The following B3GALT1 variants were observed in gnomAD, a reference collection of about 807,000 sequenced individuals.
B3GALT1 encodes UDP-Gal:betaGlcNAc beta 1,3-galactosyltransferase, polypeptide 1.
Under a neutral mutation model 23.2 loss-of-function variants are expected in B3GALT1, and 10 were observed. The observed-to-expected ratio is 0.43, with a 90% CI of 0.27 to 0.73. The LOEUF is 0.73. Ranked by LOEUF, B3GALT1 falls within the 30% of genes least tolerant of loss-of-function variation. The pLI is 0.21. For missense variants in B3GALT1, 299 were observed against 405.4 expected, an observed-to-expected ratio of 0.74 and a Z score of 2.25; for synonymous variants, 156 against 141.5, an observed-to-expected ratio of 1.10 and a Z score of -0.73.
Position 167,427,916 on chromosome 2 carries a change from A to T in B3GALT1, c.-510-62261A>T, listed in dbSNP as rs543103535. Among the ~76,000 whole-genome samples, 73 of 152,286 alleles carry T rather than the reference A, an allele frequency of 4.8e-4. No homozygotes were observed. In the South Asian group the frequency reaches 0.015, roughly 31 times the overall value. Reference sequence around the variant, plus strand: ...CAAAACCCTCTAAGTTATTTTAAAGATACAGATATTTGGAAAACAAAAGCA... The same window carrying T: ...CAAAACCCTCTAAGTTATTTTAAAGTTACAGATATTTGGAAAACAAAAGCA... On this transcript the variant is annotated intron_variant, in intron 1 of 4. Coordinates refer to ENST00000392690, the MANE Select transcript of B3GALT1 (RefSeq NM_020981.4).
At chr2:167,850,260 G>A (rs1016048830) in intron 4 of B3GALT1, among the ~76,000 whole-genome samples, 8 of 152,108 alleles carry the variant, frequency 5.3e-5, no homozygotes, top group Non-Finnish European at 1.0e-4. Context: ...TCTCAAAAGA[G>A]GATATCCAAA....
intron 3 of B3GALT1, among the ~76,000 whole-genome samples, chr2:167,737,871 A>T (rs1410006802): frequency 6.6e-6 from 1 of 152,240 alleles, no homozygotes. Context: ...AGTTTCTAGC[A>T]TAGGCCAGAA....
chr2:167,761,386 G>A (rs1687897496), intron 3 of B3GALT1, among the ~76,000 whole-genome samples: 1 of 152,166 alleles, frequency 6.6e-6, no homozygotes, highest in South Asian at 2.1e-4. Context: ...TAAAATTACA[G>A]GTTGGGCACG....
chr2:167,436,023 C>T (rs1211490535), intron 1 of B3GALT1, among the ~76,000 whole-genome samples: 3 of 151,542 alleles, frequency 2.0e-5, no homozygotes, highest in African/African-American at 4.8e-5. Context: ...CTATTATATC[C>T]CTTCTTGCCT....
At chr2:167,826,606 C>T (rs774287144) in intron 4 of B3GALT1, among the ~76,000 whole-genome samples, 5 of 152,030 alleles carry the variant, frequency 3.3e-5, no homozygotes, top group Non-Finnish European at 7.4e-5. Context: ...GAATAAGGCT[C>T]AAAGAAGGAA....
At chr2:167,841,418 T>C (rs1689647566) in intron 4 of B3GALT1, among the ~76,000 whole-genome samples, 1 of 152,166 alleles carries the variant, frequency 6.6e-6, no homozygotes, top group South Asian at 2.1e-4. Flanking sequence ...AAATTTGGGT[T>C]GGTGCCTTTC....
Position 167,872,582 on chromosome 2 carries a change from C to T in B3GALT1, c.*2562C>T, listed in dbSNP as rs1454765193. On this transcript the variant is annotated 3_prime_UTR_variant, in exon 5 of 5. Transcript: ENST00000392690. ...ATCAAGCCTCTGTCTCATACTATTG[C>T]CTTGCATCTACCCCATGCTCAGTCA... is the stretch of plus-strand genomic sequence containing the variant. The T allele has an allele frequency of 6.6e-6, 1 of 152,162 alleles. No homozygotes were observed. Among genetic ancestry groups the T allele is most frequent in the Non-Finnish European group, 1.5e-5 (1 of 68,034 alleles). The allele number at this position is 152,162 out of a possible 1,614,324, so 9.4% of individuals were successfully genotyped here.
At chr2:167,464,529 G>A (rs1000417348) in intron 1 of B3GALT1, among the ~76,000 whole-genome samples, 1 of 152,146 alleles carries the variant, frequency 6.6e-6, no homozygotes, top group Admixed American at 6.5e-5. Context: ...TCAGTCGTCT[G>A]TTTAGTAGAA....
At chr2:167,825,324 T>G (rs1423948829) in intron 4 of B3GALT1, among the ~76,000 whole-genome samples, 1 of 145,406 alleles carries the variant, frequency 6.9e-6, no homozygotes, top group Non-Finnish European at 1.5e-5. Context: ...CAAGCAAAAC[T>G]TAGAGTGAGA....
intron 1 of B3GALT1, among the ~76,000 whole-genome samples, chr2:167,353,906 A>T (rs748187564): frequency 6.6e-6 from 1 of 152,030 alleles, no homozygotes; most frequent in East Asian, 1.9e-4. Context: ...TTCTTGTGGT[A>T]ATAAAGGGTG....
chr2:167,829,189 A>AAAT (rs1689290078), intron 4 of B3GALT1, among the ~76,000 whole-genome samples: 3 of 152,246 alleles, frequency 2.0e-5, no homozygotes, highest in Admixed American at 2.0e-4. Context: ...TTTCTAATAA[A>AAAT]AATAGATATC....
At chr2:167,472,323 G>A (rs1402073311) in intron 1 of B3GALT1, among the ~76,000 whole-genome samples, 1 of 152,050 alleles carries the variant, frequency 6.6e-6, no homozygotes, top group Non-Finnish European at 1.5e-5. Context: ...TGGAGGTGGG[G>A]GCTATTAACA....
rs149548151 is a variant in B3GALT1 at position 167,672,219 on chromosome 2, C to T, written c.-352+25253C>T. Among the ~76,000 whole-genome samples, 16 of 152,236 alleles carry T rather than the reference C, an allele frequency of 1.1e-4. No homozygotes were observed. The East Asian group carries it at 2.1e-3, about 20-fold the overall frequency. On this transcript the variant is annotated intron_variant, in intron 3 of 4. Transcript: ENST00000392690. ...CCTCATTTCATGGACACCCTCCTTA[C>T]GATCCCCATCTACCTTTCAGATATT...
At chr2:167,745,667 A>G (rs1412777770) in intron 3 of B3GALT1, among the ~76,000 whole-genome samples, 1 of 151,568 alleles carries the variant, frequency 6.6e-6, no homozygotes, top group African/African-American at 2.4e-5. Context: ...CATCCTTTTT[A>G]GCTGTTCGGT....
intron 1 of B3GALT1, among the ~76,000 whole-genome samples, chr2:167,422,454 C>T (rs1698562228): frequency 6.6e-6 from 1 of 152,132 alleles, no homozygotes; most frequent in Admixed American, 6.5e-5. Context: ...AAGACAACCC[C>T]CTTTTGACTT....
intron 3 of B3GALT1, among the ~76,000 whole-genome samples, chr2:167,686,245 C>T (rs189905924): frequency 1.3e-5 from 2 of 152,274 alleles, no homozygotes; most frequent in Admixed American, 1.3e-4. Flanking sequence ...CATTCATCTC[C>T]ACATTCCCAC....
chr2:167,867,204 G>T (rs921527989), intron 4 of B3GALT1, among the ~76,000 whole-genome samples: 1 of 152,144 alleles, frequency 6.6e-6, no homozygotes, highest in Non-Finnish European at 1.5e-5. Flanking sequence ...GGGATTACAG[G>T]CGTGAGCCAC....
At chr2:167,458,113 A>G (rs1259575982) in intron 1 of B3GALT1, among the ~76,000 whole-genome samples, 1 of 152,150 alleles carries the variant, frequency 6.6e-6, no homozygotes, top group Non-Finnish European at 1.5e-5. Context: ...TTAGACAATA[A>G]CACCCCATTT....
intron 2 of B3GALT1, among the ~76,000 whole-genome samples, chr2:167,569,842 C>G (rs1416721334): frequency 6.6e-6 from 1 of 151,778 alleles, no homozygotes; most frequent in Admixed American, 6.6e-5. Context: ...TCATCTATTA[C>G]TAGTTTACTG....
Sources: gnomAD v4.1 joint callset for allele counts (sites outside exome capture counted in the v4.1 genomes callset) on GRCh38, gnomAD v4.1.1 for gene constraint, MANE v1.5 for transcripts, NCBI Gene and HGNC (gene_info 2026-07-23, HGNC 2026-07-21) for gene names.